BMP2K: variants seen among roughly 807,000 people sequenced by gnomAD.
BMP2K encodes BMP2 inducible kinase.
Under a neutral mutation model 116.0 loss-of-function variants are expected in BMP2K, and 74 were observed. That is an observed-to-expected ratio of 0.64 (90% CI 0.53 to 0.77). The LOEUF is 0.77. Ranked by LOEUF, BMP2K falls within the 30% of genes least tolerant of loss-of-function variation. The pLI, the probability that BMP2K is intolerant of heterozygous loss-of-function variation, is 0.00. For synonymous variants in BMP2K, 486 were observed against 502.5 expected (o/e 0.97, Z 0.44); for missense variants, 1,365 against 1,403.6 (o/e 0.97, Z 0.44).
At position 78,914,843 on chromosome 4, in the gene BMP2K, T is replaced by C. The variant is rs1445584378; in HGVS notation, c.*2810T>C. ...CTTGAACATCACTAAGAGAAGTAAA[T>C]TATTATGAAGCTAGCAAAAATCTTG... is the stretch of plus-strand genomic sequence containing the variant. On this transcript the variant is annotated 3_prime_UTR_variant, in exon 16 of 16. Coordinates refer to ENST00000502613, the MANE Select transcript of BMP2K (RefSeq NM_198892.2). 1.3e-5 allele frequency: 2 copies of C among 151,860 alleles called. No individual in the cohort carries two copies. Among genetic ancestry groups the C allele is most frequent in the Non-Finnish European group, 2.9e-5 (2 of 67,880 alleles). 9.4% of individuals were successfully genotyped at this position (151,860 alleles called of 1,614,324 possible). A position where few individuals can be genotyped will look rare whatever the true frequency, so the allele number is the denominator to read the frequency against.
At position 78,822,462 on chromosome 4, in the gene BMP2K, A is replaced by G. The variant is rs1729667828; in HGVS notation, c.179-3575A>G. Among the ~76,000 whole-genome samples the G allele has an allele frequency of 1.3e-5, 2 of 151,952 alleles. 1 individual carries two copies. Among genetic ancestry groups the G allele is most frequent in the Non-Finnish European group, 2.9e-5 (2 of 67,936 alleles). On this transcript the variant is annotated intron_variant, in intron 1 of 15. Coordinates refer to ENST00000502613, the MANE Select transcript of BMP2K (RefSeq NM_198892.2). ...TTATAGAGTGCAAAAGATACCAATT[A>G]TTTTTCTTATTTACTTTTATAAATA...
intron 1 of BMP2K, among the ~76,000 whole-genome samples, chr4:78,782,981 G>T (rs1013128917): frequency 6.6e-6 from 1 of 152,178 alleles, no homozygotes; most frequent in African/African-American, 2.4e-5. Context: ...AAGATAATGT[G>T]TGACAGTACC....
chr4:78,906,913 G>C (rs1235639241), intron 15 of BMP2K, among the ~76,000 whole-genome samples: 1 of 152,082 alleles, frequency 6.6e-6, no homozygotes, highest in African/African-American at 2.4e-5. Context: ...TGGTGACCTT[G>C]TCAGGATTAT....
At chr4:78,805,644 A>G (rs1728780568) in intron 1 of BMP2K, among the ~76,000 whole-genome samples, 1 of 152,034 alleles carries the variant, frequency 6.6e-6, no homozygotes, top group Non-Finnish European at 1.5e-5. Flanking sequence ...TTCTTAATTT[A>G]TTTCAGATTG....
chr4:78,863,133 TCA>T (rs1560534277), intron 9 of BMP2K, among the ~76,000 whole-genome samples: 1 of 152,070 alleles, frequency 6.6e-6, no homozygotes, highest in African/African-American at 2.4e-5. Flanking sequence ...CTATTAAAAT[TCA>T]CAGTGCTTAT....
intron 9 of BMP2K, among the ~76,000 whole-genome samples, chr4:78,865,063 C>G (rs1731977430): frequency 6.6e-6 from 1 of 152,144 alleles, no homozygotes; most frequent in Non-Finnish European, 1.5e-5. Flanking sequence ...TGAATGTGAG[C>G]AGGTGGCATC....
At chr4:78,851,149 C>A in intron 7 of BMP2K, 93 bp downstream of exon 7, 2 of 1,231,106 alleles carry the variant, frequency 1.6e-6, no homozygotes, top group Non-Finnish European at 2.1e-6. Flanking sequence ...GTCTTAATTT[C>A]ATATATGAAA....
intron 10 of BMP2K, 150 bp from the exon 11 acceptor site, chr4:78,870,633 C>A: frequency 9.3e-7 from 1 of 1,076,828 alleles, no homozygotes. Flanking sequence ...AAAGTAAATC[C>A]CTATAAACTC....
intron 7 of BMP2K, 97 bp downstream of exon 7, chr4:78,851,153 T>C (rs888620513): frequency 2.1e-5 from 26 of 1,240,708 alleles, no homozygotes; most frequent in African/African-American, 3.1e-5. Context: ...TAATTTCATA[T>C]ATGAAAATTT....
intron 1 of BMP2K, among the ~76,000 whole-genome samples, chr4:78,793,732 C>T (rs1728118807): frequency 6.6e-6 from 1 of 151,804 alleles, no homozygotes; most frequent in Non-Finnish European, 1.5e-5. Context: ...ATAAAATGCA[C>T]TTGGATATAA....
chr4:78,879,355 C>T, intron 14 of BMP2K: 1 of 986,670 alleles, frequency 1.0e-6, no homozygotes, highest in Non-Finnish European at 1.2e-6. Flanking sequence ...TTGTAATGTC[C>T]TTTTAATGAG....
At chr4:78,869,381 TGA>T (rs1445556769) in intron 10 of BMP2K, among the ~76,000 whole-genome samples, 1 of 151,816 alleles carries the variant, frequency 6.6e-6, no homozygotes, top group East Asian at 1.9e-4. Flanking sequence ...TAGAGGGAAG[TGA>T]GGGGTAGGGA....
intron 1 of BMP2K, among the ~76,000 whole-genome samples, chr4:78,792,777 A>G (rs1728066307): frequency 6.6e-6 from 1 of 152,244 alleles, no homozygotes; most frequent in Admixed American, 6.5e-5. Flanking sequence ...ACTGCAAAAA[A>G]TTCAGTGATG....
At chr4:78,879,020 G>A (rs1732772431) in intron 14 of BMP2K, 129 bp downstream of exon 14, 1 of 1,479,812 alleles carries the variant, frequency 6.8e-7, no homozygotes. Context: ...CAAAATTCAG[G>A]CCATCTTCTT....
intron 2 of BMP2K, among the ~76,000 whole-genome samples, chr4:78,832,336 T>G (rs936538518): frequency 6.6e-6 from 1 of 152,196 alleles, no homozygotes; most frequent in South Asian, 2.1e-4. Context: ...GTTATTAATG[T>G]CAGTTGTACT....
chr4:78,826,934 C>T (rs557235357), intron 2 of BMP2K, among the ~76,000 whole-genome samples: 1 of 152,320 alleles, frequency 6.6e-6, no homozygotes, highest in South Asian at 2.1e-4. Flanking sequence ...TCAACTGTAT[C>T]CCTGTATAGG....
rs773750624 is a variant in BMP2K at position 78,910,674 on chromosome 4, C to T, written c.2127C>T (p.Ile709=). The T allele has an allele frequency of 9.3e-6, 15 of 1,604,344 alleles. No individual in the cohort carries two copies. The highest frequency in any genetic ancestry group is 1.3e-5 in the Non-Finnish European group (15 of 1,176,844). The stretch of plus-strand genomic sequence containing the variant: ...AAGAAAATGGCACTGCAAACCCTAT[C>T]AAGAACGGTAAAACAAGTCCAGCAT... ...INQENGTANP[I]KNGKTSPASK... The change falls in exon 16 of 16, where the codon ATC becomes ATT. Residue 709 remains isoleucine, a synonymous_variant. Coordinates refer to ENST00000502613, the MANE Select transcript of BMP2K (RefSeq NM_198892.2).
At chr4:78,859,780 T>C in intron 8 of BMP2K, 93 bp downstream of exon 8, 1 of 803,592 alleles carries the variant, frequency 1.2e-6, no homozygotes, top group Non-Finnish European at 2.0e-6. Context: ...TTTGTTGCTG[T>C]TGCTAAAACT....
At chr4:78,810,898 C>T (rs1222211079) in intron 1 of BMP2K, among the ~76,000 whole-genome samples, 1 of 152,142 alleles carries the variant, frequency 6.6e-6, no homozygotes, top group Non-Finnish European at 1.5e-5. Context: ...CCAGTATCCT[C>T]ATTGCTTTTT....
Sources: allele counts gnomAD v4.1 joint callset (sites outside exome capture counted in the v4.1 genomes callset), GRCh38; gene constraint gnomAD v4.1.1; transcripts MANE v1.5; gene names NCBI Gene and HGNC (gene_info 2026-07-23, HGNC 2026-07-21).